Variants in TRIM44 observed in about 807,000 individuals in gnomAD.
TRIM44 encodes tripartite motif containing 44.
Under a neutral mutation model 37.4 loss-of-function variants are expected in TRIM44, and 13 were observed. The ratio of observed to expected loss-of-function variants is 0.35; its 90% confidence interval spans 0.23 to 0.55. The LOEUF (loss-of-function observed/expected upper bound fraction) is 0.55. Ranked by LOEUF, TRIM44 falls within the 20% of genes least tolerant of loss-of-function variation. The pLI, the probability that TRIM44 is intolerant of heterozygous loss-of-function variation, is 0.89. For synonymous variants in TRIM44, 175 were observed against 157.2 expected (o/e 1.11, Z -0.85); for missense variants, 426 against 437.2 (o/e 0.97, Z 0.23).
intron 2 of TRIM44, among the ~76,000 whole-genome samples, chr11:35,712,198 T>C (rs1287131988): frequency 1.3e-5 from 2 of 152,140 alleles, no homozygotes; most frequent in Non-Finnish European, 2.9e-5. Flanking sequence ...AGTGTGTAGT[T>C]GTGTGTCCAT....
intron 4 of TRIM44, among the ~76,000 whole-genome samples, chr11:35,762,494 T>C (rs1472732777): frequency 1.3e-5 from 2 of 152,136 alleles, no homozygotes; most frequent in Admixed American, 1.3e-4. Flanking sequence ...GTACAGTCGG[T>C]CAGGGAATAA....
At chr11:35,729,522 ATTAAC>A in intron 3 of TRIM44, among the ~76,000 whole-genome samples, 1 of 152,262 alleles carries the variant, frequency 6.6e-6, no homozygotes, top group South Asian at 2.1e-4. Flanking sequence ...TCACCCCTGC[ATTAAC>A]TAGGCTATGC....
chr11:35,663,442 A>G lies in TRIM44; in HGVS notation c.331A>G (p.Ser111Gly). The part of the protein sequence containing the change: ...SEEESESEEE[S>G]ETEEESEDES... ...GGAAGAGAGCGAGTCAGAGGAAGAG[A>G]GCGAGACAGAGGAAGAGAGTGAGGA... Residue 111 changes from serine to glycine, a missense_variant, in exon 1 of 5, where the codon AGC becomes GGC. This residue lies in a region of TRIM44 where 331 missense variants were observed against 303.0 expected (regional missense o/e 1.09). Transcript: ENST00000299413. 1 of 1,566,642 alleles carries G rather than the reference A, an allele frequency of 6.4e-7. No homozygotes were observed. The highest frequency in any genetic ancestry group is 8.7e-7 in the Non-Finnish European group (1 of 1,155,132).
chr11:35,759,633 A>G (rs1236648654), intron 4 of TRIM44, among the ~76,000 whole-genome samples: 2 of 151,856 alleles, frequency 1.3e-5, no homozygotes, highest in Admixed American at 6.6e-5. Flanking sequence ...TTGTGGTTTT[A>G]TCTACTTTTG....
At chr11:35,694,108 C>T (rs1481402092) in intron 2 of TRIM44, among the ~76,000 whole-genome samples, 9 of 152,152 alleles carry the variant, frequency 5.9e-5, no homozygotes, top group Admixed American at 2.6e-4. Flanking sequence ...CAACTGCCAA[C>T]AGCTGCACAT....
At chr11:35,697,354 G>T (rs576871420) in intron 2 of TRIM44, among the ~76,000 whole-genome samples, 1 of 150,756 alleles carries the variant, frequency 6.6e-6, no homozygotes, top group Non-Finnish European at 1.5e-5. Context: ...GAGAATGATG[G>T]TTTCCAGCTG....
intron 4 of TRIM44, among the ~76,000 whole-genome samples, chr11:35,794,617 T>C (rs1853257766): frequency 6.6e-6 from 1 of 152,214 alleles, no homozygotes. Context: ...CCAGTGGTTA[T>C]GTGTGCCTGG....
intron 2 of TRIM44, among the ~76,000 whole-genome samples, chr11:35,706,365 CTA>C (rs1851881389): frequency 2.0e-5 from 3 of 152,136 alleles, no homozygotes; most frequent in African/African-American, 7.2e-5. Flanking sequence ...CCTTCTGAAA[CTA>C]TTCCAATCAA....
chr11:35,817,033 G>A lies in TRIM44; in HGVS notation c.*10648G>A, dbSNP rs974043557. 6.6e-6 allele frequency: 1 copy of A among 152,268 alleles called. No homozygotes were observed. The highest frequency in any genetic ancestry group is 2.1e-4 in the South Asian group (1 of 4,824). The allele number at this position is 152,268 out of a possible 1,614,324, so 9.4% of individuals were successfully genotyped here. A position where few individuals can be genotyped will look rare whatever the true frequency, so the allele number is the denominator to read the frequency against. ...GTATTTACTTGTTCATAAGGTTGAT[G>A]TCTGTAACTCTTTGAAGGTTGTATT... On this transcript the variant is annotated 3_prime_UTR_variant, in exon 5 of 5. Transcript: ENST00000299413.
chr11:35,701,438 G>A (rs946862228), intron 2 of TRIM44, among the ~76,000 whole-genome samples: 2 of 152,010 alleles, frequency 1.3e-5, no homozygotes, highest in Non-Finnish European at 2.9e-5. Flanking sequence ...ACCAATTTCT[G>A]TGCTCAGAAA....
At chr11:35,762,240 C>G (rs1448723445) in intron 4 of TRIM44, among the ~76,000 whole-genome samples, 1 of 152,144 alleles carries the variant, frequency 6.6e-6, no homozygotes, top group Admixed American at 6.5e-5. Flanking sequence ...GGGCTATTTT[C>G]TCTTTCTTTT....
At chr11:35,747,415 G>T (rs1283363518) in intron 4 of TRIM44, among the ~76,000 whole-genome samples, 1 of 152,188 alleles carries the variant, frequency 6.6e-6, no homozygotes, top group Non-Finnish European at 1.5e-5. Flanking sequence ...CAGTTAGAAA[G>T]TGACTCAACC....
chr11:35,779,444 C>A (rs535765432), intron 4 of TRIM44, among the ~76,000 whole-genome samples: 1 of 152,118 alleles, frequency 6.6e-6, no homozygotes, highest in Non-Finnish European at 1.5e-5. Context: ...GTGAGCTGCA[C>A]CCACTGTCCG....
At chr11:35,800,614 G>T (rs1364536453) in intron 4 of TRIM44, among the ~76,000 whole-genome samples, 2 of 152,180 alleles carry the variant, frequency 1.3e-5, no homozygotes, top group Non-Finnish European at 2.9e-5. Flanking sequence ...AGGAGGTCCA[G>T]CTGGCTTCAC....
intron 2 of TRIM44, among the ~76,000 whole-genome samples, chr11:35,722,969 T>C (rs1158619747): frequency 6.6e-6 from 1 of 152,120 alleles, no homozygotes; most frequent in Admixed American, 6.6e-5. Flanking sequence ...TCAGCAATAC[T>C]TTTCTGAAAC....
intron 4 of TRIM44, among the ~76,000 whole-genome samples, chr11:35,768,747 A>T (rs1213455581): frequency 6.6e-6 from 1 of 152,194 alleles, no homozygotes. Flanking sequence ...CTAATTAAAC[A>T]CTCAAAAATG....
At chr11:35,761,146 A>G (rs1351956795) in intron 4 of TRIM44, among the ~76,000 whole-genome samples, 3 of 152,182 alleles carry the variant, frequency 2.0e-5, no homozygotes, top group Non-Finnish European at 2.9e-5. Context: ...ATGGCCAACT[A>G]GTATTCCATT....
chr11:35,812,913 A>G lies in TRIM44; in HGVS notation c.*6528A>G, dbSNP rs1265782928. 6.6e-6 allele frequency: 1 copy of G among 152,236 alleles called. No homozygotes were observed. The highest frequency in any genetic ancestry group is 1.5e-5 in the Non-Finnish European group (1 of 68,038). 9.4% of individuals were successfully genotyped at this position (152,236 alleles called of 1,614,324 possible). On this transcript the variant is annotated 3_prime_UTR_variant, in exon 5 of 5. Transcript: ENST00000299413. ...GCTTTATCTTCTTTATTCCAAGGCC[A>G]TAAATAAGAAAATCAACGAGAGGCA...
intron 4 of TRIM44, among the ~76,000 whole-genome samples, chr11:35,786,254 A>G (rs754231032): frequency 6.6e-6 from 1 of 152,192 alleles, no homozygotes; most frequent in African/African-American, 2.4e-5. Context: ...TACTGGATGC[A>G]TTTTACAAAT....
Sources: allele counts gnomAD v4.1 joint callset (sites outside exome capture counted in the v4.1 genomes callset), GRCh38; gene constraint gnomAD v4.1.1; regional missense constraint gnomAD v4.1.1; transcripts MANE v1.5; gene names NCBI Gene and HGNC (gene_info 2026-07-23, HGNC 2026-07-21).